SEZ6L: variants seen among roughly 807,000 people sequenced by gnomAD.
SEZ6L encodes seizure 6-like protein.
A neutral mutation model predicts 106.2 loss-of-function variants in SEZ6L; 37 were observed. That is an observed-to-expected ratio of 0.35 (90% CI 0.27 to 0.46). SEZ6L has a LOEUF of 0.46. Among genes scored for constraint, SEZ6L ranks in the 20% least tolerant of loss-of-function variants. SEZ6L has a pLI of 1.00. For synonymous variants in SEZ6L, 541 were observed against 570.4 expected (o/e 0.95, Z 0.73); for missense variants, 1,172 against 1,332.8 (o/e 0.88, Z 1.88).
At chr22:26,289,606 C>T (rs2081044669) in intron 1 of SEZ6L, among the ~76,000 whole-genome samples, 1 of 152,208 alleles carries the variant, frequency 6.6e-6, no homozygotes, top group Non-Finnish European at 1.5e-5. Flanking sequence ...CTCCCAGATA[C>T]CCATTCCTGG....
chr22:26,372,006 T>G (rs770836894), intron 13 of SEZ6L, among the ~76,000 whole-genome samples: 7 of 152,240 alleles, frequency 4.6e-5, no homozygotes, highest in Non-Finnish European at 8.8e-5. Flanking sequence ...TGACTGGGAC[T>G]TGGGGACCCC....
rs2081853568 is a variant in SEZ6L at position 26,312,030 on chromosome 22, A to G, written c.1876+68A>G. The G allele has an allele frequency of 2.0e-6, 3 of 1,496,868 alleles. No individual in the cohort carries two copies. In the Admixed American group the frequency reaches 5.3e-5, roughly 27 times the overall value. The allele number at this position is 1,496,868 out of a possible 1,614,324, so 92.7% of individuals were successfully genotyped here. ...CTCCACCCTTTGGATGAGAAGACCAAGGCCCCAGCTTAGAGGCCTGTCCCC... is the reference window on the plus strand; with the variant it reads ...CTCCACCCTTTGGATGAGAAGACCAGGGCCCCAGCTTAGAGGCCTGTCCCC... On this transcript the variant is annotated intron_variant, in intron 8 of 16. Coordinates refer to ENST00000248933, the MANE Select transcript of SEZ6L (RefSeq NM_021115.5).
intron 1 of SEZ6L, among the ~76,000 whole-genome samples, chr22:26,247,466 T>G (rs999343589): frequency 2.0e-5 from 3 of 152,106 alleles, no homozygotes; most frequent in African/African-American, 7.2e-5. Context: ...GGTATCTTCC[T>G]AAGAAGGTCA....
intron 13 of SEZ6L, among the ~76,000 whole-genome samples, chr22:26,370,751 C>A (rs1482844774): frequency 6.6e-6 from 1 of 151,812 alleles, no homozygotes; most frequent in Non-Finnish European, 1.5e-5. Context: ...CACCTGTAAT[C>A]CCAGCACTTT....
chr22:26,250,854 C>T (rs1368218943), intron 1 of SEZ6L, among the ~76,000 whole-genome samples: 4 of 151,970 alleles, frequency 2.6e-5, no homozygotes, highest in Admixed American at 2.0e-4. Context: ...TCATAGCTTT[C>T]CTTATAGAGG....
chr22:26,363,695 G>A (rs746637249), intron 12 of SEZ6L, among the ~76,000 whole-genome samples: 13 of 152,202 alleles, frequency 8.5e-5, no homozygotes, highest in Non-Finnish European at 1.9e-4. Context: ...AGAAATCTGG[G>A]CATAGCTTAA....
intron 13 of SEZ6L, among the ~76,000 whole-genome samples, chr22:26,369,468 G>A (rs910209170): frequency 7.9e-5 from 12 of 151,254 alleles, no homozygotes; most frequent in Admixed American, 2.0e-4. Flanking sequence ...GGCCTCCCGA[G>A]TAGCTGGGAC....
rs370558030 is a variant in SEZ6L, at chr22:26,381,021, T to G, written c.*726T>G. Reference sequence around the variant, plus strand: ...GAGATTTGAGAGTTCCAATGAAGAATTGGGTGAGGGGGATCATTGGGTAAG... The same window carrying G: ...GAGATTTGAGAGTTCCAATGAAGAAGTGGGTGAGGGGGATCATTGGGTAAG... On this transcript the variant is annotated 3_prime_UTR_variant, in exon 17 of 17. Transcript: ENST00000248933. The G allele has an allele frequency of 1.3e-5, 2 of 152,084 alleles. No individual in the cohort carries two copies. The highest frequency in any genetic ancestry group is 2.1e-4 in the South Asian group (1 of 4,826). 9.4% of individuals were successfully genotyped at this position (152,084 alleles called of 1,614,324 possible).
chr22:26,380,481 G>T lies in SEZ6L; in HGVS notation c.*186G>T. ...ATATTTAAAAGTGAAATAGGTGTGGGTTTGGATGTTTCGCGGCCTCAGCCA... is the reference window on the plus strand; with the variant it reads ...ATATTTAAAAGTGAAATAGGTGTGGTTTTGGATGTTTCGCGGCCTCAGCCA... On this transcript the variant is annotated 3_prime_UTR_variant, in exon 17 of 17. Transcript: ENST00000248933. 1 of 475,880 alleles carries T rather than the reference G, an allele frequency of 2.1e-6. No homozygotes were observed. The allele number at this position is 475,880 out of a possible 1,614,324, so 29.5% of individuals were successfully genotyped here. A position where few individuals can be genotyped will look rare whatever the true frequency, so the allele number is the denominator to read the frequency against.
chr22:26,245,421 C>T (rs1022775514), intron 1 of SEZ6L, among the ~76,000 whole-genome samples: 2 of 152,120 alleles, frequency 1.3e-5, no homozygotes, highest in Non-Finnish European at 2.9e-5. Flanking sequence ...ACCTGTTCTG[C>T]AGGCTCCTTC....
At chr22:26,270,492 G>C (rs982254350) in intron 1 of SEZ6L, among the ~76,000 whole-genome samples, 6 of 149,680 alleles carry the variant, frequency 4.0e-5, no homozygotes, top group Non-Finnish European at 7.4e-5. Context: ...GTGTGTGTGT[G>C]TGTGTTTCAG....
chr22:26,331,554 C>A (rs544305941), intron 9 of SEZ6L, among the ~76,000 whole-genome samples: 7 of 152,154 alleles, frequency 4.6e-5, no homozygotes, highest in African/African-American at 1.2e-4. Flanking sequence ...ATTAAGCCAC[C>A]CAGACTAAGT....
intron 1 of SEZ6L, among the ~76,000 whole-genome samples, chr22:26,282,921 T>C (rs950852019): frequency 1.3e-5 from 2 of 151,920 alleles, no homozygotes; most frequent in Admixed American, 1.3e-4. Flanking sequence ...CAATGAGCAA[T>C]GCAATTTCTT....
At chr22:26,220,348 C>A (rs187747612) in intron 1 of SEZ6L, among the ~76,000 whole-genome samples, 1 of 152,200 alleles carries the variant, frequency 6.6e-6, no homozygotes, top group African/African-American at 2.4e-5. Context: ...TGTAAGTCAG[C>A]ATCAGTAATA....
intron 4 of SEZ6L, among the ~76,000 whole-genome samples, chr22:26,297,654 T>C (rs2081338513): frequency 6.6e-6 from 1 of 152,308 alleles, no homozygotes; most frequent in South Asian, 2.1e-4. Flanking sequence ...TTCTTCTTCC[T>C]CTACTGGTTT....
intron 1 of SEZ6L, among the ~76,000 whole-genome samples, chr22:26,255,668 T>C (rs1404865499): frequency 6.6e-6 from 1 of 152,222 alleles, no homozygotes; most frequent in Admixed American, 6.5e-5. Flanking sequence ...GGAAAGAGTC[T>C]TGGGGCTGTC....
intron 1 of SEZ6L, among the ~76,000 whole-genome samples, chr22:26,288,355 C>T (rs1159278332): frequency 6.6e-6 from 1 of 152,168 alleles, no homozygotes; most frequent in African/African-American, 2.4e-5. Flanking sequence ...AGACCCACCC[C>T]TGGAGATTCA....
chr22:26,284,696 G>A (rs1283078827), intron 1 of SEZ6L, among the ~76,000 whole-genome samples: 2 of 151,060 alleles, frequency 1.3e-5, no homozygotes, highest in Non-Finnish European at 2.9e-5. Context: ...CAGGATTGGT[G>A]AACAGAACGT....
intron 9 of SEZ6L, among the ~76,000 whole-genome samples, chr22:26,322,023 A>G (rs1247931474): frequency 6.6e-6 from 1 of 152,218 alleles, no homozygotes; most frequent in East Asian, 1.9e-4. Context: ...GTCCGTGAGC[A>G]ATAATAAATG....
Sources: gnomAD v4.1 joint callset for allele counts (sites outside exome capture counted in the v4.1 genomes callset) on GRCh38, gnomAD v4.1.1 for gene constraint, MANE v1.5 for transcripts, NCBI Gene and HGNC (gene_info 2026-07-23, HGNC 2026-07-21) for gene names.